The following SPAG16 variants were observed in gnomAD, a reference collection of about 807,000 sequenced individuals.
SPAG16 encodes sperm associated antigen 16, also known as sperm-associated antigen 16 protein.
SPAG16 carries 86 observed loss-of-function variants against 80.4 expected under a neutral mutation model. The observed-to-expected ratio is 1.07, with a 90% CI of 0.90 to 1.28. SPAG16 has a LOEUF of 1.28. SPAG16 is among the 50% of genes most tolerant of loss of function. The probability of loss-of-function intolerance (pLI) is 0.00; values close to 1 mark genes in which losing one functional copy is unlikely to be tolerated. For synonymous variants in SPAG16, 294 were observed against 265.9 expected (o/e 1.11, Z -1.03); for missense variants, 870 against 765.3 (o/e 1.14, Z -1.61).
At chr2:214,387,843 T>C (rs1325068378) in intron 15 of SPAG16, among the ~76,000 whole-genome samples, 6 of 152,150 alleles carry the variant, frequency 3.9e-5, no homozygotes, top group African/African-American at 1.4e-4. Flanking sequence ...GGAGCCACCC[T>C]CATGATTCAG....
intron 15 of SPAG16, among the ~76,000 whole-genome samples, chr2:214,377,471 AAATAC>A (rs1700198020): frequency 6.6e-6 from 1 of 152,230 alleles, no homozygotes; most frequent in Admixed American, 6.5e-5. Flanking sequence ...TGGTATTGAT[AAATAC>A]AGTACAGTAC....
rs139143609 is a variant in SPAG16, at chr2:214,385,673, G to A, written c.1721-24467G>A. 4.9e-4 allele frequency among the ~76,000 whole-genome samples: 74 copies of A among 151,978 alleles called. No homozygotes were observed. In the East Asian group the frequency reaches 5.3e-3, roughly 11 times the overall value. On this transcript the variant is annotated intron_variant, in intron 15 of 15. Coordinates refer to ENST00000331683, the MANE Select transcript of SPAG16 (RefSeq NM_024532.5). ...AGCCTGGCCCACATGGCGAAATCCC[G>A]TCTCTACTGAAAATACAAAAATTAG...
chr2:214,064,045 G>A (rs1445707102), intron 13 of SPAG16, among the ~76,000 whole-genome samples: 1 of 152,068 alleles, frequency 6.6e-6, no homozygotes, highest in Non-Finnish European at 1.5e-5. Context: ...GTCATGTACT[G>A]ATTTTGAGAG....
intron 9 of SPAG16, among the ~76,000 whole-genome samples, chr2:213,488,314 G>A (rs1290096262): frequency 6.6e-6 from 1 of 152,104 alleles, no homozygotes; most frequent in Non-Finnish European, 1.5e-5. Flanking sequence ...TACATGACTG[G>A]CAGCAGTATA....
intron 10 of SPAG16, among the ~76,000 whole-genome samples, chr2:213,778,614 C>G (rs1321478941): frequency 6.6e-6 from 1 of 152,140 alleles, no homozygotes; most frequent in Non-Finnish European, 1.5e-5. Context: ...CTTACCAACT[C>G]TCATACTCTT....
At chr2:214,177,029 G>T (rs149233839) in intron 15 of SPAG16, among the ~76,000 whole-genome samples, 442 of 151,098 alleles carry the variant, frequency 2.9e-3, no homozygotes, top group Non-Finnish European at 5.2e-3. Flanking sequence ...GAGTGCTGAT[G>T]AATATAGAAT....
intron 12 of SPAG16, among the ~76,000 whole-genome samples, chr2:213,987,863 TA>T (rs1454120188): frequency 6.8e-6 from 1 of 147,668 alleles, no homozygotes; most frequent in Non-Finnish European, 1.5e-5. Context: ...AATATAAATA[TA>T]AAAATAATAG....
At chr2:213,292,675 A>AAAAG (rs1267095683) in intron 1 of SPAG16, among the ~76,000 whole-genome samples, 1 of 125,744 alleles carries the variant, frequency 8.0e-6, no homozygotes, top group Admixed American at 7.8e-5. Flanking sequence ...AAAAAAAAAA[A>AAAAG]CAAAAAAAAC....
At chr2:213,712,336 A>G (rs1292237319) in intron 10 of SPAG16, among the ~76,000 whole-genome samples, 2 of 152,184 alleles carry the variant, frequency 1.3e-5, no homozygotes, top group Admixed American at 6.5e-5. Flanking sequence ...AGCAAGATAG[A>G]CATTGTTCTA....
chr2:213,735,981 G>T (rs2067264411), intron 10 of SPAG16, among the ~76,000 whole-genome samples: 1 of 152,174 alleles, frequency 6.6e-6, no homozygotes, highest in East Asian at 1.9e-4. Flanking sequence ...AGGATGACTG[G>T]AGATGAGGGA....
At chr2:213,317,519 G>A in intron 5 of SPAG16, 163 bp downstream of exon 5, 1 of 1,341,040 alleles carries the variant, frequency 7.5e-7, no homozygotes, top group African/African-American at 1.5e-5. Flanking sequence ...TAATTAAACA[G>A]ATGATCAGAA....
chr2:214,311,422 G>A (rs754807781), intron 15 of SPAG16, among the ~76,000 whole-genome samples: 2 of 152,156 alleles, frequency 1.3e-5, no homozygotes, highest in Non-Finnish European at 2.9e-5. Flanking sequence ...TGGCTGCCTC[G>A]TGCTGTGCCT....
chr2:213,716,029 A>C (rs1056742646), intron 10 of SPAG16, among the ~76,000 whole-genome samples: 6 of 152,250 alleles, frequency 3.9e-5, no homozygotes, highest in African/African-American at 1.4e-4. Context: ...TTTAAGGCCT[A>C]TAACAAAGAT....
rs140907375 is a variant in SPAG16 at position 213,664,683 on chromosome 2, C to T, written c.1070+174593C>T. On this transcript the variant is annotated intron_variant, in intron 10 of 15. Transcript: ENST00000331683. ...TTTTAACTCACTATACTCAAGGAAG[C>T]TCATTATACTCAAGGATTCTTGGAT... Among the ~76,000 whole-genome samples the T allele has an allele frequency of 1.8e-3, 273 of 152,110 alleles. 2 individuals carry two copies. Among genetic ancestry groups the T allele is most frequent in the African/African-American group, 6.1e-3 (253 of 41,524 alleles).
intron 15 of SPAG16, among the ~76,000 whole-genome samples, chr2:214,209,856 A>G (rs1253970484): frequency 2.0e-5 from 3 of 152,116 alleles, no homozygotes; most frequent in African/African-American, 7.2e-5. Context: ...ATACTCAAGT[A>G]TATTTATTTA....
intron 9 of SPAG16, among the ~76,000 whole-genome samples, chr2:213,479,172 T>C (rs1319121076): frequency 6.8e-6 from 1 of 147,436 alleles, no homozygotes; most frequent in African/African-American, 2.5e-5. Context: ...CTTTTTCCTA[T>C]GCCAGGAATG....
At chr2:213,323,027 A>G (rs1235938100) in intron 5 of SPAG16, among the ~76,000 whole-genome samples, 1 of 152,158 alleles carries the variant, frequency 6.6e-6, no homozygotes, top group Non-Finnish European at 1.5e-5. Context: ...GTTTGAGCAG[A>G]AGCATGTGAA....
At chr2:213,408,254 G>C (rs2068775366) in intron 9 of SPAG16, among the ~76,000 whole-genome samples, 1 of 152,150 alleles carries the variant, frequency 6.6e-6, no homozygotes, top group Admixed American at 6.5e-5. Flanking sequence ...GTAAACAAGG[G>C]CATAGCCAGA....
At chr2:213,749,765 T>G (rs2067999579) in intron 10 of SPAG16, among the ~76,000 whole-genome samples, 1 of 152,216 alleles carries the variant, frequency 6.6e-6, no homozygotes, top group Admixed American at 6.5e-5. Context: ...CCTTCTTTCC[T>G]TTTTGTCATT....
Sources: allele counts gnomAD v4.1 joint callset (sites outside exome capture counted in the v4.1 genomes callset), GRCh38; gene constraint gnomAD v4.1.1; transcripts MANE v1.5; gene names NCBI Gene and HGNC (gene_info 2026-07-23, HGNC 2026-07-21).